Variants in CACNA1C observed in about 807,000 individuals in gnomAD.
CACNA1C encodes the protein voltage-dependent L-type calcium channel subunit alpha-1C.
Under a neutral mutation model 229.0 loss-of-function variants are expected in CACNA1C, and 30 were observed. The observed-to-expected ratio is 0.13, with a 90% CI of 0.10 to 0.18. CACNA1C has a LOEUF of 0.18. Among genes scored for constraint, CACNA1C ranks in the 10% least tolerant of loss-of-function variants. The pLI is 1.00. For missense variants in CACNA1C, 1,658 were observed against 2,845.0 expected (o/e 0.58, Z 9.49); for synonymous variants, 1,114 against 1,132.5 (o/e 0.98, Z 0.33).
At position 2,654,022 on chromosome 12, in the gene CACNA1C, C is replaced by T. The variant is rs908442141; in HGVS notation, c.4140+122C>T. 2.2e-5 allele frequency: 17 copies of T among 770,982 alleles called. No individual in the cohort carries two copies. Among genetic ancestry groups the T allele is most frequent in the Middle Eastern group, 2.3e-4 (1 of 4,306 alleles). 47.8% of individuals were successfully genotyped at this position (770,982 alleles called of 1,614,324 possible). On this transcript the variant is annotated intron_variant, in intron 33 of 46. Transcript: ENST00000399655. This position sits in a 1 kb window ranked among gnomAD's most constrained non-coding sequence, Gnocchi z 4.4. ...CCTTTCATTCCTGACTGTCCCTCTC[C>T]CTCCTCTTCCATTTTCTGAGGCCCA...
chr12:2,237,398 T>C (rs1471615402), intron 3 of CACNA1C, among the ~76,000 whole-genome samples: 1 of 152,194 alleles, frequency 6.6e-6, no homozygotes, highest in Non-Finnish European at 1.5e-5. Flanking sequence ...ACCTAATGTT[T>C]TGTGGAGCTG....
At position 2,274,215 on chromosome 12, in the gene CACNA1C, G is replaced by A. The variant is rs550191660; in HGVS notation, c.477+153785G>A. ...ACGTCCAGCAGTTCCCTCAGAAAGT[G>A]CTGTGGGGCCCAGGCGTCCTCTCAG... On this transcript the variant is annotated intron_variant, in intron 3 of 46. Coordinates refer to ENST00000399655, the MANE Select transcript of CACNA1C (RefSeq NM_000719.7). 1.8e-4 allele frequency among the ~76,000 whole-genome samples: 27 copies of A among 152,304 alleles called. 2 individuals are homozygous for A. In the South Asian group the frequency reaches 5.4e-3, roughly 30 times the overall value.
intron 3 of CACNA1C, among the ~76,000 whole-genome samples, chr12:2,407,852 A>G (rs1161089614): frequency 6.6e-6 from 1 of 152,224 alleles, no homozygotes; most frequent in Non-Finnish European, 1.5e-5. Context: ...TCTTTAGAGA[A>G]ATGTCTATTC....
chr12:2,463,264 T>C (rs2099527339), intron 5 of CACNA1C, among the ~76,000 whole-genome samples: 1 of 152,198 alleles, frequency 6.6e-6, no homozygotes, highest in Non-Finnish European at 1.5e-5. Flanking sequence ...TGAAATCTTA[T>C]GATCACAGGT....
chr12:2,250,143 G>A (rs1014095535), intron 3 of CACNA1C, among the ~76,000 whole-genome samples: 3 of 152,170 alleles, frequency 2.0e-5, no homozygotes, highest in Non-Finnish European at 4.4e-5. Flanking sequence ...CAAGGACAAG[G>A]ATGCATCAGT....
At chr12:2,322,577 T>C (rs1005297548) in intron 3 of CACNA1C, among the ~76,000 whole-genome samples, 1 of 152,178 alleles carries the variant, frequency 6.6e-6, no homozygotes, top group African/African-American at 2.4e-5. Context: ...AAAATGAGGC[T>C]CTGAAACCTT....
intron 1 of CACNA1C, among the ~76,000 whole-genome samples, chr12:2,026,820 C>T (rs1263606137): frequency 6.6e-6 from 1 of 152,122 alleles, no homozygotes; most frequent in Non-Finnish European, 1.5e-5. Context: ...TTCAGTCTAG[C>T]TGGTGGTCAG....
chr12:2,190,614 C>T (rs1156850099), intron 3 of CACNA1C, among the ~76,000 whole-genome samples: 1 of 152,094 alleles, frequency 6.6e-6, no homozygotes, highest in African/African-American at 2.4e-5. Context: ...GGAGGTCAAT[C>T]CAGTGGGAAA....
At position 2,410,054 on chromosome 12, in the gene CACNA1C, C is replaced by T. The variant is rs895677349; in HGVS notation, c.478-38922C>T. Among the ~76,000 whole-genome samples the T allele has an allele frequency of 2.0e-5, 3 of 152,214 alleles. No individual in the cohort carries two copies. Among genetic ancestry groups the T allele is most frequent in the African/African-American group, 7.2e-5 (3 of 41,466 alleles). On this transcript the variant is annotated intron_variant, in intron 3 of 46. Coordinates refer to ENST00000399655, the MANE Select transcript of CACNA1C (RefSeq NM_000719.7). This position sits in a 1 kb window ranked among gnomAD's most constrained non-coding sequence, Gnocchi z 5.3. ...GCTCGGGGTGGGAATGAATCATCCT[C>T]ACCTGCCAGCCGCGGGCCTCAGCAA...
intron 3 of CACNA1C, among the ~76,000 whole-genome samples, chr12:2,171,380 A>C (rs545854989): frequency 6.6e-6 from 1 of 152,002 alleles, no homozygotes; most frequent in African/African-American, 2.4e-5. Context: ...CGCCATCCCC[A>C]CATGCTCTCT....
At chr12:2,501,834 C>G (rs766932453) in intron 7 of CACNA1C, among the ~76,000 whole-genome samples, 1 of 152,234 alleles carries the variant, frequency 6.6e-6, no homozygotes, top group African/African-American at 2.4e-5. Context: ...AAGGACCTTT[C>G]ACCCCGCCTC....
chr12:2,089,680 A>G (rs1156873921), intron 1 of CACNA1C, among the ~76,000 whole-genome samples: 10 of 152,242 alleles, frequency 6.6e-5, no homozygotes, highest in Admixed American at 6.5e-4. Flanking sequence ...TTTAAGTGTT[A>G]CAGTTCAGTA....
chr12:2,621,324 C>T (rs1460791363), intron 29 of CACNA1C, among the ~76,000 whole-genome samples: 1 of 151,992 alleles, frequency 6.6e-6, no homozygotes, highest in Non-Finnish European at 1.5e-5. Context: ...TCTGCTGAGC[C>T]CTGGAGGGTG....
chr12:2,522,771 T>G (rs2099812429), intron 9 of CACNA1C, among the ~76,000 whole-genome samples: 1 of 152,128 alleles, frequency 6.6e-6, no homozygotes, highest in African/African-American at 2.4e-5. Context: ...AGGGGATGTC[T>G]TTTTCTTGCA....
Position 2,682,039 on chromosome 12 carries a change from G to A in CACNA1C, c.5445-511G>A, listed in dbSNP as rs10774054. The A allele has an allele frequency of 6.5e-5, 104 of 1,599,104 alleles. No homozygotes were observed. In the African/African-American group the frequency reaches 1.4e-3, roughly 21 times the overall value. ...CAGGCTCACTGCCTTCTGCTCAGGA[G>A]AGCAAACCCCTCTAGGTGAGGCTTC... On this transcript the variant is annotated intron_variant, in intron 42 of 46. Coordinates refer to ENST00000399655, the MANE Select transcript of CACNA1C (RefSeq NM_000719.7).
intron 3 of CACNA1C, among the ~76,000 whole-genome samples, chr12:2,398,472 T>C (rs767044462): frequency 7.2e-4 from 110 of 152,326 alleles, no homozygotes; most frequent in Non-Finnish European, 1.5e-3. Context: ...CGGGCAGAGC[T>C]CTGGTCTGTG....
At chr12:2,457,288 C>T (rs962146219) in intron 4 of CACNA1C, among the ~76,000 whole-genome samples, 1 of 152,230 alleles carries the variant, frequency 6.6e-6, no homozygotes, top group Non-Finnish European at 1.5e-5. Context: ...GTTTGTCCAG[C>T]GCTTGTCCAG....
intron 1 of CACNA1C, among the ~76,000 whole-genome samples, chr12:2,061,598 A>G (rs1214741360): frequency 6.6e-6 from 1 of 152,132 alleles, no homozygotes; most frequent in African/African-American, 2.4e-5. Context: ...GATGCAGGGT[A>G]TCCGACGCCT....
chr12:2,168,440 A>G (rs1025940688), intron 3 of CACNA1C, among the ~76,000 whole-genome samples: 2 of 152,230 alleles, frequency 1.3e-5, no homozygotes, highest in Non-Finnish European at 2.9e-5. Context: ...TACTGTAGCC[A>G]GGAGTTCCCA....
Sources: allele counts gnomAD v4.1 joint callset (sites outside exome capture counted in the v4.1 genomes callset), GRCh38; gene constraint gnomAD v4.1.1; non-coding constraint Gnocchi (gnomAD v3.1); transcripts MANE v1.5; gene names NCBI Gene and HGNC (gene_info 2026-07-23, HGNC 2026-07-21).